The following MAD1L1 variants were observed in gnomAD, a reference collection of about 807,000 sequenced individuals.
MAD1L1 encodes mitotic arrest deficient 1 like 1, also known as mitotic spindle assembly checkpoint protein MAD1.
A neutral mutation model predicts 96.9 loss-of-function variants in MAD1L1; 95 were observed. The ratio of observed to expected loss-of-function variants is 0.98; its 90% CI spans 0.83 to 1.16. The LOEUF is 1.16. MAD1L1 is among the 50% of genes most tolerant of loss of function. MAD1L1 has a pLI of 0.00. For missense variants in MAD1L1, 1,007 were observed against 954.4 expected, an observed-to-expected ratio of 1.06 and a Z score of -0.73; for synonymous variants, 473 against 396.6, an observed-to-expected ratio of 1.19 and a Z score of -2.29.
chr7:2,001,789 G>A (rs960873569), intron 14 of MAD1L1, among the ~76,000 whole-genome samples: 13 of 152,190 alleles, frequency 8.5e-5, no homozygotes, highest in African/African-American at 1.9e-4. Flanking sequence ...CCCCGACACC[G>A]TGGCCTCATG....
At chr7:2,165,663 A>G (rs1790393792) in intron 10 of MAD1L1, among the ~76,000 whole-genome samples, 1 of 100,598 alleles carries the variant, frequency 9.9e-6, no homozygotes, top group Non-Finnish European at 2.2e-5. Flanking sequence ...CGACCAAAAC[A>G]CGCGTCTCAG....
chr7:2,231,122 A>C (rs909269175), intron 1 of MAD1L1, among the ~76,000 whole-genome samples: 1 of 152,016 alleles, frequency 6.6e-6, no homozygotes, highest in Admixed American at 6.6e-5. Flanking sequence ...AACATGGCAA[A>C]ACCCCACCTC....
Position 2,122,343 on chromosome 7 carries a change from C to T in MAD1L1, c.1073+26809G>A, listed in dbSNP as rs879672. Among the ~76,000 whole-genome samples the T allele has an allele frequency of 2.5e-3, 373 of 152,132 alleles. 1 individual carries two copies. The highest frequency in any genetic ancestry group is 8.9e-3 in the South Asian group (43 of 4,826). On this transcript the variant is annotated intron_variant, in intron 11 of 18. Coordinates refer to ENST00000265854, the MANE Select transcript of MAD1L1 (RefSeq NM_001013836.2). The stretch of plus-strand genomic sequence containing the variant: ...TAACTGTTACTTAAAACAGCCAATC[C>T]CTGGCTGGGTGCAGTGGTTCACGCT...
At chr7:1,878,651 T>A (rs1056705348) in intron 18 of MAD1L1, among the ~76,000 whole-genome samples, 1 of 151,546 alleles carries the variant, frequency 6.6e-6, no homozygotes, top group Non-Finnish European at 1.5e-5. Context: ...ATGGTATCTA[T>A]GAAAAACTCA....
intron 12 of MAD1L1, among the ~76,000 whole-genome samples, chr7:2,017,740 G>A (rs1027359896): frequency 1.3e-5 from 2 of 152,182 alleles, no homozygotes; most frequent in African/African-American, 4.8e-5. Flanking sequence ...TTACCACAGA[G>A]CTTTTGAGTA....
At chr7:2,033,543 A>G (rs1783327935) in intron 12 of MAD1L1, among the ~76,000 whole-genome samples, 2 of 152,378 alleles carry the variant, frequency 1.3e-5, no homozygotes, top group South Asian at 2.1e-4. Context: ...TTTACAAATC[A>G]ATAGGAAAAT....
intron 15 of MAD1L1, among the ~76,000 whole-genome samples, chr7:1,972,241 T>TA (rs1349946729): frequency 1.3e-5 from 2 of 152,218 alleles, no homozygotes; most frequent in African/African-American, 4.8e-5. Flanking sequence ...CCCCCGTGCC[T>TA]AAACCCTAGC....
intron 17 of MAD1L1, among the ~76,000 whole-genome samples, chr7:1,904,029 T>C (rs554004276): frequency 8.1e-6 from 1 of 122,948 alleles, no homozygotes; most frequent in East Asian, 3.0e-4. Flanking sequence ...GAAGACGTTC[T>C]TGTGGAACTC....
At chr7:1,971,420 A>G (rs1448559581) in intron 15 of MAD1L1, among the ~76,000 whole-genome samples, 1 of 152,210 alleles carries the variant, frequency 6.6e-6, no homozygotes, top group African/African-American at 2.4e-5. Flanking sequence ...AAACCACTCA[A>G]GCTCCAAAAG....
chr7:1,868,596 G>C (rs2128653505), intron 18 of MAD1L1, among the ~76,000 whole-genome samples: 1 of 152,258 alleles, frequency 6.6e-6, no homozygotes, highest in East Asian at 1.9e-4. Context: ...CTGGGATTAG[G>C]CTTGGATTTC....
At chr7:2,140,087 G>A (rs1028941757) in intron 11 of MAD1L1, among the ~76,000 whole-genome samples, 2 of 151,374 alleles carry the variant, frequency 1.3e-5, no homozygotes, top group Admixed American at 6.6e-5. Context: ...CCTGCAGGAC[G>A]TGCATCCTTC....
chr7:2,001,960 C>G (rs966059902), intron 14 of MAD1L1, 105 bp downstream of exon 14: 5 of 1,182,028 alleles, frequency 4.2e-6, no homozygotes, highest in Non-Finnish European at 6.2e-6. Flanking sequence ...GAAGAGGCAG[C>G]CATGCACTGG....
chr7:1,914,475 C>T (rs977744462), intron 17 of MAD1L1, among the ~76,000 whole-genome samples: 7 of 152,232 alleles, frequency 4.6e-5, no homozygotes, highest in African/African-American at 9.6e-5. Flanking sequence ...TGCCAAGGCA[C>T]GTGGGTGCTT....
At chr7:2,216,064 G>A in intron 8 of MAD1L1, 65 bp from the exon 9 acceptor site, 1 of 1,610,634 alleles carries the variant, frequency 6.2e-7, no homozygotes, top group Non-Finnish European at 8.5e-7. Flanking sequence ...AAGAGCCCGG[G>A]AGCCCTGCCC....
intron 18 of MAD1L1, among the ~76,000 whole-genome samples, chr7:1,863,375 C>T (rs558567856): frequency 1.3e-5 from 2 of 152,358 alleles, no homozygotes; most frequent in South Asian, 4.1e-4. Flanking sequence ...CCGGCAGGCC[C>T]GGGGCCAGCG....
chr7:1,902,648 G>A (rs901354721), intron 17 of MAD1L1, among the ~76,000 whole-genome samples: 6 of 149,622 alleles, frequency 4.0e-5, no homozygotes, highest in Non-Finnish European at 8.9e-5. Flanking sequence ...GAACCAGGTC[G>A]GCCGGGCTAC....
intron 18 of MAD1L1, among the ~76,000 whole-genome samples, chr7:1,820,524 T>C (rs1782068309): frequency 6.6e-6 from 1 of 152,106 alleles, no homozygotes; most frequent in Admixed American, 6.6e-5. Context: ...CTTTGCACTT[T>C]GGGAGGCCAA....
intron 11 of MAD1L1, among the ~76,000 whole-genome samples, chr7:2,134,280 T>G (rs1054574910): frequency 1.3e-5 from 2 of 152,338 alleles, no homozygotes; most frequent in South Asian, 2.1e-4. Flanking sequence ...GGTGTTGATT[T>G]CAAATTCCCT....
chr7:2,227,235 G>A (rs1470996441), intron 3 of MAD1L1, among the ~76,000 whole-genome samples: 1 of 152,174 alleles, frequency 6.6e-6, no homozygotes, highest in East Asian at 1.9e-4. Context: ...GACGGAGGCT[G>A]CAGTGAGCCA....
Sources: allele counts gnomAD v4.1 joint callset (sites outside exome capture counted in the v4.1 genomes callset), GRCh38; gene constraint gnomAD v4.1.1; transcripts MANE v1.5; gene names NCBI Gene and HGNC (gene_info 2026-07-23, HGNC 2026-07-21).